SPMIP4: variants seen among roughly 807,000 people sequenced by gnomAD.
The protein encoded by SPMIP4 is sperm-associated microtubule inner protein 4.
At chr7:25,179,467 C>A in the SPMIP4 span, 1 of 633,374 alleles carries the variant, frequency 1.6e-6, no homozygotes, top group East Asian at 3.0e-5. Context: ...GCCGTCAAAT[C>A]AGTAATAAAT....
the SPMIP4 span, among the ~76,000 whole-genome samples, chr7:25,134,345 A>C: frequency 1.1e-4 from 17 of 150,370 alleles, no homozygotes; most frequent in African/African-American, 7.3e-5. Flanking sequence ...AAAAAAAAAA[A>C]AAAAAAACCA....
the SPMIP4 span, chr7:25,179,573 T>C: frequency 2.4e-5 from 8 of 326,852 alleles, no homozygotes; most frequent in Middle Eastern, 8.0e-4. Context: ...GATCATCCAG[T>C]AGGTTCGTAC....
chr7:25,142,680 C>A, the SPMIP4 span: 11 of 1,613,224 alleles, frequency 6.8e-6, no homozygotes, highest in South Asian at 1.2e-4. Flanking sequence ...AGTGGGACCT[C>A]TCAAGATTTC....
At chr7:25,158,412 A>T in the SPMIP4 span, 1 of 844,094 alleles carries the variant, frequency 1.2e-6, no homozygotes, top group Non-Finnish European at 1.9e-6. Context: ...GGGAAGTCTC[A>T]CTTGTTTTCA....
At chr7:25,143,622 C>T in the SPMIP4 span, among the ~76,000 whole-genome samples, 1 of 146,388 alleles carries the variant, frequency 6.8e-6, no homozygotes, top group Non-Finnish European at 1.5e-5. Context: ...GACAGGGTCT[C>T]ACCCTGCCAC....
the SPMIP4 span, chr7:25,151,700 A>G: frequency 7.0e-7 from 1 of 1,429,426 alleles, no homozygotes; most frequent in Non-Finnish European, 9.8e-7. Flanking sequence ...AATTTCAGGA[A>G]AAGCAATAAA....
At chr7:25,172,977 G>C in the SPMIP4 span, among the ~76,000 whole-genome samples, 6 of 151,448 alleles carry the variant, frequency 4.0e-5, no homozygotes, top group East Asian at 3.9e-4. This position sits in a 1 kb window ranked among gnomAD's most constrained non-coding sequence, Gnocchi z 4.2. Context: ...GGAGAGGAAG[G>C]GGGTGGTGGG....
the SPMIP4 span, among the ~76,000 whole-genome samples, chr7:25,156,365 A>G: frequency 6.6e-6 from 1 of 152,206 alleles, no homozygotes; most frequent in East Asian, 1.9e-4. Flanking sequence ...CTACAAGCAG[A>G]AAGGTGAATC....
At chr7:25,145,920 T>A in the SPMIP4 span, among the ~76,000 whole-genome samples, 1 of 146,100 alleles carries the variant, frequency 6.8e-6, no homozygotes, top group East Asian at 2.0e-4. Flanking sequence ...AAAAAGCAAA[T>A]ATAGTTTTTT....
the SPMIP4 span, chr7:25,135,889 A>G: frequency 6.7e-7 from 1 of 1,485,938 alleles, no homozygotes; most frequent in Non-Finnish European, 8.9e-7. Context: ...TCTAGAAAAC[A>G]GAATCCAGCA....
the SPMIP4 span, among the ~76,000 whole-genome samples, chr7:25,127,589 T>C: frequency 6.6e-6 from 1 of 152,248 alleles, no homozygotes; most frequent in Non-Finnish European, 1.5e-5. Flanking sequence ...GAATTTCTTC[T>C]CTGTGTTATC....
the SPMIP4 span, among the ~76,000 whole-genome samples, chr7:25,140,530 G>A: frequency 6.6e-6 from 1 of 152,066 alleles, no homozygotes; most frequent in East Asian, 1.9e-4. Flanking sequence ...TCCAACTCCT[G>A]ACCTCAGGTG....
the SPMIP4 span, among the ~76,000 whole-genome samples, chr7:25,130,236 T>G: frequency 7.0e-6 from 1 of 143,098 alleles, no homozygotes; most frequent in South Asian, 2.2e-4. Flanking sequence ...AGAGAAAGAC[T>G]CCGCATCTCA....
the SPMIP4 span, among the ~76,000 whole-genome samples, chr7:25,174,610 C>T: frequency 6.6e-6 from 1 of 152,108 alleles, no homozygotes; most frequent in Admixed American, 6.6e-5. The surrounding 1 kb of genome is among the most constrained non-coding windows in gnomAD (Gnocchi z 4.5). Context: ...AGTCGGACAA[C>T]AGCAAAGTGA....
chr7:25,153,689 C>A, the SPMIP4 span, among the ~76,000 whole-genome samples: 2 of 152,146 alleles, frequency 1.3e-5, no homozygotes, highest in African/African-American at 4.8e-5. Context: ...TCTACTTTGA[C>A]AATTTACGTA....
chr7:25,141,502 G>GCGGA, the SPMIP4 span, among the ~76,000 whole-genome samples: 4 of 146,758 alleles, frequency 2.7e-5, no homozygotes, highest in Non-Finnish European at 6.0e-5. Context: ...AACCAAGGAG[G>GCGGA]CGGAGGTTGC....
the SPMIP4 span, among the ~76,000 whole-genome samples, chr7:25,147,421 G>A: frequency 2.3e-4 from 35 of 152,170 alleles, no homozygotes; most frequent in Non-Finnish European, 4.7e-4. Flanking sequence ...AGCAGGAGAG[G>A]CCCCGAATAG....
chr7:25,142,889 GA>G, the SPMIP4 span: 1 of 1,147,572 alleles, frequency 8.7e-7, no homozygotes, highest in South Asian at 2.2e-5. Context: ...ATCTCAGCAG[GA>G]AAGAGGCAAA....
the SPMIP4 span, among the ~76,000 whole-genome samples, chr7:25,131,110 G>A: frequency 6.6e-6 from 1 of 152,172 alleles, no homozygotes; most frequent in Non-Finnish European, 1.5e-5. This position sits in a 1 kb window ranked among gnomAD's most constrained non-coding sequence, Gnocchi z 4.2. Context: ...CAGATCAATG[G>A]TGGCATTAGA....
Sources: gnomAD v4.1 joint callset for allele counts (sites outside exome capture counted in the v4.1 genomes callset) on GRCh38, gnomAD v4.1.1 for gene constraint, Gnocchi (gnomAD v3.1) non-coding constraint, MANE v1.5 for transcripts, NCBI Gene and HGNC (gene_info 2026-07-23, HGNC 2026-07-21) for gene names.